RSPH10B2: variants seen among roughly 807,000 people sequenced by gnomAD.
RSPH10B2 encodes the protein radial spoke head 10 homolog B2.
Under a neutral mutation model 49.0 loss-of-function variants are expected in RSPH10B2, and 9 were observed. The ratio of observed to expected loss-of-function variants is 0.18; its 90% CI spans 0.11 to 0.32. The LOEUF is 0.32. Among genes scored for constraint, RSPH10B2 ranks in the 10% least tolerant of loss-of-function variants. The pLI is 1.00. For missense variants in RSPH10B2, 95 were observed against 589.9 expected (o/e 0.16, Z 8.69); for synonymous variants, 35 against 210.2 (o/e 0.17, Z 7.21).
At chr7:6,756,271 A>AAAATT (rs1554253229), upstream of RSPH10B2, among the ~76,000 whole-genome samples, 10 of 120,448 alleles carry the variant, frequency 8.3e-5, no homozygotes, top group African/African-American at 3.3e-4. Flanking sequence ...CTCCGTCTCA[A>AAAATT]AAATAAATAA....
intron 17 of RSPH10B2, among the ~76,000 whole-genome samples, chr7:6,792,830 T>C (rs1421000374): frequency 8.5e-6 from 1 of 116,990 alleles, no homozygotes; most frequent in Non-Finnish European, 1.7e-5. Context: ...TAGAGTGCAG[T>C]GGTGCCATCA....
At chr7:6,752,311 T>TG (rs1780909807), upstream of RSPH10B2, among the ~76,000 whole-genome samples, 1 of 141,496 alleles carries the variant, frequency 7.1e-6, no homozygotes, top group South Asian at 2.4e-4. Flanking sequence ...GGATGTGAAC[T>TG]GTAGAACATT....
Position 6,793,037 on chromosome 7 carries a change from A to G in RSPH10B2, c.2233+1040A>G, listed in dbSNP as rs1168856412. Among the ~76,000 whole-genome samples, 3 of 106,362 alleles carry G rather than the reference A, an allele frequency of 2.8e-5. 1 individual carries two copies. The highest frequency in any genetic ancestry group is 1.2e-4 in the African/African-American group (3 of 25,746). 69.8% of individuals were successfully genotyped at this position (106,362 alleles called of 152,430 possible). A position where few individuals can be genotyped will look rare whatever the true frequency, so the allele number is the denominator to read the frequency against. ...CGGCTTCCTAAAGTTCTGAGATTAC[A>G]GGTGTGAGCCCACCCGCCCCTGGGC... On this transcript the variant is annotated intron_variant, in intron 17 of 18. Transcript: ENST00000297186.
intron 3 of RSPH10B2, among the ~76,000 whole-genome samples, 173 bp from the exon 6 acceptor site, chr7:6,763,755 G>A (rs1448953988): frequency 2.1e-5 from 3 of 146,202 alleles, no homozygotes; most frequent in African/African-American, 7.5e-5. Context: ...GATGCGATGA[G>A]AGCAGACAAG....
rs1382635092 is a variant in RSPH10B2 at position 6,781,001 on chromosome 7, G to A, written c.1609+113G>A. Reference sequence around the variant, plus strand: ...TGCAATCCCAGCACTTTGGGAGGCCGAGGCAGGAGGATCACCTGAGGTCAA... The same window carrying A: ...TGCAATCCCAGCACTTTGGGAGGCCAAGGCAGGAGGATCACCTGAGGTCAA... On this transcript the variant is annotated intron_variant, in intron 12 of 18. Coordinates refer to ENST00000297186, the Ensembl canonical transcript of RSPH10B2. 69 of 1,177,818 alleles carry A rather than the reference G, an allele frequency of 5.9e-5. 5 individuals are homozygous for A. The highest frequency in any genetic ancestry group is 1.2e-4 in the Admixed American group (4 of 32,962). The allele number at this position is 1,177,818 out of a possible 1,614,324, so 73.0% of individuals were successfully genotyped here.
intron 4 of RSPH10B2, among the ~76,000 whole-genome samples, chr7:6,764,926 C>G (rs1242324593): frequency 9.9e-6 from 1 of 100,606 alleles, no homozygotes; most frequent in East Asian, 3.1e-4. Flanking sequence ...GTAGATCAAA[C>G]AAAGGGTACT....
chr7:6,764,947 T>C (rs1781413289), intron 4 of RSPH10B2, among the ~76,000 whole-genome samples: 1 of 91,674 alleles, frequency 1.1e-5, no homozygotes, highest in Non-Finnish European at 2.2e-5. Flanking sequence ...CTATGCTCAC[T>C]TATACTCGGA....
rs541280078 is a variant in RSPH10B2 at position 6,795,540 on chromosome 7, A to C, written c.2234-1028A>C. Among the ~76,000 whole-genome samples the C allele has an allele frequency of 2.8e-5, 3 of 108,960 alleles. No homozygotes were observed. In the South Asian group the frequency reaches 1.0e-3, roughly 37 times the overall value. 71.5% of individuals were successfully genotyped at this position (108,960 alleles called of 152,430 possible). On this transcript the variant is annotated intron_variant, in intron 17 of 18. Transcript: ENST00000297186. ...GTAATCCCAGCACTTTGGGAGGCCG[A>C]GATGGGAGGATTACTAGAGCTCAGG...
intron 17 of RSPH10B2, among the ~76,000 whole-genome samples, chr7:6,792,560 CCT>C (rs1198355705): frequency 8.9e-6 from 1 of 112,312 alleles, no homozygotes; most frequent in Non-Finnish European, 1.8e-5. Context: ...GCTCTTGAGG[CCT>C]CTCTGTCTGC....
At chr7:6,758,861 CA>C (rs1396918529) in intron 1 of RSPH10B2, among the ~76,000 whole-genome samples, 1 of 135,858 alleles carries the variant, frequency 7.4e-6, no homozygotes, top group Admixed American at 7.8e-5. Flanking sequence ...AAAAAATCCC[CA>C]AAAAACAAAC....
Position 6,780,330 on chromosome 7 carries a change from T to C in RSPH10B2, c.1530-479T>C, listed in dbSNP as rs373349121. Among the ~76,000 whole-genome samples, 4 of 126,072 alleles carry C rather than the reference T, an allele frequency of 3.2e-5. 2 individuals are homozygous for C. The East Asian group carries it at 1.0e-3, about 32-fold the overall frequency. The allele number at this position is 126,072 out of a possible 152,430, so 82.7% of individuals were successfully genotyped here. ...GTCTTCTTTCTTACATCAGAATTTC[T>C]TGTCTTTCTTACAGCAAAAGTGGTT... On this transcript the variant is annotated intron_variant, in intron 11 of 18. Transcript: ENST00000297186.
chr7:6,785,440 G>A (rs1782117838), intron 13 of RSPH10B2, among the ~76,000 whole-genome samples: 2 of 152,292 alleles, frequency 1.3e-5, no homozygotes, highest in Non-Finnish European at 2.9e-5. Flanking sequence ...GGCCTCACAA[G>A]GTTCTGGGAT....
chr7:6,776,875 A>ACT (rs1248122937), intron 10 of RSPH10B2, among the ~76,000 whole-genome samples: 1 of 9,370 alleles, frequency 1.1e-4, no homozygotes, highest in African/African-American at 2.5e-4. Context: ...AGACTCCATC[A>ACT]CACACACACA....
rs1217911629 is a variant in RSPH10B2, at chr7:6,797,136, G to A, written c.2432+370G>A. Among the ~76,000 whole-genome samples, 2 of 142,538 alleles carry A rather than the reference G, an allele frequency of 1.4e-5. 1 individual carries two copies. Among genetic ancestry groups the A allele is most frequent in the East Asian group, 4.1e-4 (2 of 4,882 alleles). 93.5% of individuals were successfully genotyped at this position (142,538 alleles called of 152,430 possible). A position where few individuals can be genotyped will look rare whatever the true frequency, so the allele number is the denominator to read the frequency against. On this transcript the variant is annotated intron_variant, in intron 18 of 18. Coordinates refer to ENST00000297186, the Ensembl canonical transcript of RSPH10B2. ...CGATTCTCTTGCCTCAGCCTCCCGA[G>A]TAGCTGGGATTACAAGCATGCACCA...
Position 6,791,116 on chromosome 7 carries a change from C to G in RSPH10B2, c.2140-788C>G, listed in dbSNP as rs563309652. Among the ~76,000 whole-genome samples, 62 of 137,854 alleles carry G rather than the reference C, an allele frequency of 4.5e-4. No homozygotes were observed. In the Middle Eastern group the frequency reaches 0.014, roughly 32 times the overall value. The allele number at this position is 137,854 out of a possible 152,430, so 90.4% of individuals were successfully genotyped here. On this transcript the variant is annotated intron_variant, in intron 16 of 18. Transcript: ENST00000297186. ...TCCCGGGTTCACGCCATTCTCCTGC[C>G]TCAGCCTCCTGAGTAGCTAGGACTA... is the stretch of plus-strand genomic sequence containing the variant.
At chr7:6,784,306 A>C in intron 13 of RSPH10B2, among the ~76,000 whole-genome samples, 1 of 7,074 alleles carries the variant, frequency 1.4e-4, no homozygotes, top group Non-Finnish European at 2.3e-4. Context: ...TGTCTCCCAG[A>C]CTGGACTGCA....
intron 13 of RSPH10B2, among the ~76,000 whole-genome samples, chr7:6,783,276 C>T (rs1273462944): frequency 1.2e-4 from 14 of 115,350 alleles, no homozygotes; most frequent in African/African-American, 5.3e-4. Flanking sequence ...GTGATCCGCC[C>T]GTGTCGGACT....
At chr7:6,783,117 G>A (rs1379587840) in intron 13 of RSPH10B2, among the ~76,000 whole-genome samples, 1 of 108,006 alleles carries the variant, frequency 9.3e-6, no homozygotes, top group African/African-American at 3.8e-5. Context: ...TGCAACCTCC[G>A]CCTCCCGGGT....
chr7:6,764,352 A>G (rs1465592282), intron 4 of RSPH10B2, among the ~76,000 whole-genome samples: 1 of 149,950 alleles, frequency 6.7e-6, no homozygotes, highest in East Asian at 2.0e-4. Context: ...CACATAAATT[A>G]ACCATTTTAT....
Sources: gnomAD v4.1 joint callset for allele counts (sites outside exome capture counted in the v4.1 genomes callset) on GRCh38, gnomAD v4.1.1 for gene constraint, MANE v1.5 for transcripts, NCBI Gene and HGNC (gene_info 2026-07-23, HGNC 2026-07-21) for gene names.